The following ARHGAP10 variants were observed in gnomAD, a reference collection of about 807,000 sequenced individuals.
ARHGAP10 encodes Rho GTPase activating protein 10.
ARHGAP10 carries 87 observed loss-of-function variants against 108.6 expected under a neutral mutation model. The ratio of observed to expected loss-of-function variants is 0.80; its 90% CI spans 0.67 to 0.96. The LOEUF (loss-of-function observed/expected upper bound fraction) is 0.96. Among genes scored for constraint, ARHGAP10 ranks in the 40% least tolerant of loss-of-function variants. The pLI, the probability that ARHGAP10 is intolerant of heterozygous loss-of-function variation, is 0.00. For synonymous variants in ARHGAP10, 347 were observed against 341.1 expected (o/e 1.02, Z -0.19); for missense variants, 939 against 954.5 (o/e 0.98, Z 0.21).
rs1014709499 is a variant in ARHGAP10, at chr4:147,975,447, G to C, written c.1716+8608G>C. 2.0e-5 allele frequency among the ~76,000 whole-genome samples: 3 copies of C among 152,168 alleles called. No homozygotes were observed. The East Asian group carries it at 5.8e-4, about 29-fold the overall frequency. The stretch of plus-strand genomic sequence containing the variant: ...GTATTGTGTTGCTATAACAATACTT[G>C]AGACTGGGTAATTTTGAAGGAACAG... On this transcript the variant is annotated intron_variant, in intron 18 of 22. Transcript: ENST00000336498.
chr4:147,737,679 A>T (rs925496429), intron 1 of ARHGAP10, among the ~76,000 whole-genome samples: 3 of 152,214 alleles, frequency 2.0e-5, no homozygotes, highest in Non-Finnish European at 2.9e-5. Flanking sequence ...GATAAGTCCA[A>T]CTGTCACTTG....
chr4:148,063,895 T>C (rs1022097546), intron 21 of ARHGAP10, among the ~76,000 whole-genome samples: 1 of 152,204 alleles, frequency 6.6e-6, no homozygotes, highest in African/African-American at 2.4e-5. Context: ...TGTGCCTTTC[T>C]TGGGGCGGAG....
At chr4:147,900,529 A>G (rs905841541) in intron 10 of ARHGAP10, among the ~76,000 whole-genome samples, 3 of 152,068 alleles carry the variant, frequency 2.0e-5, no homozygotes, top group African/African-American at 7.2e-5. Flanking sequence ...GACTTGCTGT[A>G]TGTGATGAGT....
At chr4:147,878,396 A>G (rs901527028) in intron 8 of ARHGAP10, among the ~76,000 whole-genome samples, 1 of 151,988 alleles carries the variant, frequency 6.6e-6, no homozygotes, top group African/African-American at 2.4e-5. Context: ...CGCCTGGCCC[A>G]TACTTCATTT....
chr4:148,036,356 T>TCC (rs1728377085), intron 19 of ARHGAP10, among the ~76,000 whole-genome samples: 1 of 152,200 alleles, frequency 6.6e-6, no homozygotes, highest in African/African-American at 2.4e-5. Context: ...ATTTGGTGTG[T>TCC]CCCCGCCCAG....
At chr4:147,959,437 A>G (rs1738909003) in intron 16 of ARHGAP10, among the ~76,000 whole-genome samples, 1 of 152,134 alleles carries the variant, frequency 6.6e-6, no homozygotes, top group Non-Finnish European at 1.5e-5. Flanking sequence ...TTACGTATGT[A>G]TACATGTGCC....
At chr4:148,038,994 A>G (rs200445702) in intron 19 of ARHGAP10, among the ~76,000 whole-genome samples, 1 of 152,018 alleles carries the variant, frequency 6.6e-6, no homozygotes, top group Non-Finnish European at 1.5e-5. Context: ...TTCTCTCCCC[A>G]CTTCCAATAA....
At position 147,878,774 on chromosome 4, in the gene ARHGAP10, C is replaced by CTTT. The variant is rs11384854; in HGVS notation, c.833-440_833-438dup. On this transcript the variant is annotated intron_variant, in intron 8 of 22. Coordinates refer to ENST00000336498, the MANE Select transcript of ARHGAP10 (RefSeq NM_024605.4). ...AGTATCTCTTATTTTCCTTCTTCCT[C>CTTT]TTTTTTTTTTTTTTTTTTTTGAGTC... 1.7e-3 allele frequency among the ~76,000 whole-genome samples: 213 copies of CTTT among 124,844 alleles called. 6 individuals are homozygous for CTTT. Among genetic ancestry groups the CTTT allele is most frequent in the African/African-American group, 4.8e-3 (151 of 31,330 alleles). 81.9% of individuals were successfully genotyped at this position (124,844 alleles called of 152,430 possible). A position where few individuals can be genotyped will look rare whatever the true frequency, so the allele number is the denominator to read the frequency against.
At chr4:148,014,089 A>G (rs1341339200) in intron 18 of ARHGAP10, among the ~76,000 whole-genome samples, 1 of 152,216 alleles carries the variant, frequency 6.6e-6, no homozygotes, top group Non-Finnish European at 1.5e-5. Context: ...GAGGAAGAAG[A>G]GGAGAAAAAA....
At chr4:147,738,383 C>T (rs1373136367) in intron 1 of ARHGAP10, among the ~76,000 whole-genome samples, 5 of 152,072 alleles carry the variant, frequency 3.3e-5, no homozygotes, top group Non-Finnish European at 2.9e-5. Flanking sequence ...AACCCCATCT[C>T]TACTAAAAAT....
intron 22 of ARHGAP10, among the ~76,000 whole-genome samples, chr4:148,070,408 A>G (rs1232907835): frequency 6.6e-6 from 1 of 152,218 alleles, no homozygotes; most frequent in Non-Finnish European, 1.5e-5. Flanking sequence ...GCAGGCGGTT[A>G]GTCTGCAGAC....
chr4:147,894,435 A>G (rs1467292347), intron 10 of ARHGAP10, among the ~76,000 whole-genome samples: 1 of 152,140 alleles, frequency 6.6e-6, no homozygotes, highest in East Asian at 1.9e-4. Context: ...CAATTGTAGG[A>G]ATTATTTAGA....
intron 19 of ARHGAP10, among the ~76,000 whole-genome samples, chr4:148,030,961 A>C (rs187501137): frequency 1.4e-4 from 21 of 152,084 alleles, no homozygotes; most frequent in South Asian, 2.1e-4. Context: ...TGGGTGGCCG[A>C]GGTGGGAGGA....
chr4:148,006,881 C>G (rs896621216), intron 18 of ARHGAP10, among the ~76,000 whole-genome samples: 1 of 152,246 alleles, frequency 6.6e-6, no homozygotes, highest in Non-Finnish European at 1.5e-5. Context: ...CCCTTTCCTT[C>G]CTCCCCATCA....
At chr4:147,818,323 T>G (rs939348776) in intron 1 of ARHGAP10, among the ~76,000 whole-genome samples, 4 of 152,034 alleles carry the variant, frequency 2.6e-5, no homozygotes, top group African/African-American at 9.7e-5. Flanking sequence ...CCCATCACTT[T>G]GGGAGGCCGA....
intron 13 of ARHGAP10, among the ~76,000 whole-genome samples, chr4:147,935,527 C>T (rs1439504247): frequency 6.6e-6 from 1 of 152,148 alleles, no homozygotes; most frequent in Non-Finnish European, 1.5e-5. Flanking sequence ...TCAAAGATTT[C>T]AAATTTCTAA....
At chr4:147,956,969 T>C (rs868241427) in intron 16 of ARHGAP10, among the ~76,000 whole-genome samples, 22 of 152,080 alleles carry the variant, frequency 1.4e-4, no homozygotes, top group Middle Eastern at 3.4e-3. Flanking sequence ...AAATCTATGG[T>C]GGTAGAAAAT....
At chr4:147,911,501 T>C (rs1216692551) in intron 12 of ARHGAP10, among the ~76,000 whole-genome samples, 1 of 152,208 alleles carries the variant, frequency 6.6e-6, no homozygotes, top group Admixed American at 6.5e-5. Context: ...TAACTGGGAC[T>C]ACAGGTGCCC....
intron 7 of ARHGAP10, 123 bp downstream of exon 7, chr4:147,866,939 G>T: frequency 1.3e-6 from 1 of 788,474 alleles, no homozygotes; most frequent in East Asian, 2.9e-5. Flanking sequence ...GAAACTGAGG[G>T]TATGCTGCCA....
Sources: allele counts gnomAD v4.1 joint callset (sites outside exome capture counted in the v4.1 genomes callset), GRCh38; gene constraint gnomAD v4.1.1; transcripts MANE v1.5; gene names NCBI Gene and HGNC (gene_info 2026-07-23, HGNC 2026-07-21).